Variants in STK32B observed in about 807,000 individuals in gnomAD.
The protein encoded by STK32B is serine/threonine-protein kinase 32B.
Under a neutral mutation model 52.6 loss-of-function variants are expected in STK32B, and 43 were observed. The observed-to-expected ratio is 0.82, with a 90% confidence interval of 0.64 to 1.05. STK32B has a LOEUF of 1.05. STK32B is among the 50% of genes least tolerant of loss of function. The probability of loss-of-function intolerance (pLI) is 0.00; values close to 1 mark genes in which losing one functional copy is unlikely to be tolerated. For missense variants in STK32B, 621 were observed against 534.6 expected (o/e 1.16, Z -1.59); for synonymous variants, 238 against 204.3 (o/e 1.17, Z -1.41).
chr4:5,459,292 CCCA>C (rs1716844685), intron 8 of STK32B, among the ~76,000 whole-genome samples: 1 of 148,376 alleles, frequency 6.7e-6, no homozygotes, highest in Admixed American at 6.7e-5. Context: ...GCCCCCCCCC[CCCA>C]CCTTTCTAAG....
chr4:5,295,567 G>A lies in STK32B; in HGVS notation c.261-35653G>A, dbSNP rs375172991. Among the ~76,000 whole-genome samples the A allele has an allele frequency of 3.9e-4, 59 of 152,184 alleles. 1 individual carries two copies. The South Asian group carries it at 0.011, about 28-fold the overall frequency. ...TTTTCTAGTTTATTTGCATAGAGGT[G>A]TTTATAGTATTCTCTGATGGTAGTT... On this transcript the variant is annotated intron_variant, in intron 3 of 11. Transcript: ENST00000282908.
chr4:5,254,602 T>C (rs73081683), intron 3 of STK32B, among the ~76,000 whole-genome samples: 3,512 of 152,292 alleles, frequency 0.023, 128 homozygotes, highest in African/African-American at 0.078. Flanking sequence ...TATTTTCCAA[T>C]TTCTATAGTA....
In STK32B at chr4:5,480,603, T is replaced by A. The variant is rs549654744; in HGVS notation, c.1106+12533T>A. ...CGTTTTTTTTTTCTTTCATTATACT[T>A]TAAGTTTTAGGGTACATGTGCACAA... On this transcript the variant is annotated intron_variant, in intron 11 of 11. Transcript: ENST00000282908. Among the ~76,000 whole-genome samples, 118 of 152,226 alleles carry A rather than the reference T, an allele frequency of 7.8e-4. 1 individual carries two copies. The highest frequency in any genetic ancestry group is 3.4e-3 in the Middle Eastern group (1 of 294).
rs557512890 is a variant in STK32B, at chr4:5,067,429, C to T, written c.52+15514C>T. Among the ~76,000 whole-genome samples, 49 of 152,142 alleles carry T rather than the reference C, an allele frequency of 3.2e-4. 1 individual carries two copies. The South Asian group carries it at 0.01, about 32-fold the overall frequency. ...GGCTCTTGAGGTGTCTCCTGTGGGCCCCACTGCTTTAGAAAGTGTCTATCA... is the reference window on the plus strand; with the variant it reads ...GGCTCTTGAGGTGTCTCCTGTGGGCTCCACTGCTTTAGAAAGTGTCTATCA... On this transcript the variant is annotated intron_variant, in intron 1 of 11. Coordinates refer to ENST00000282908, the MANE Select transcript of STK32B (RefSeq NM_018401.3).
chr4:5,183,305 C>T (rs1391667934), intron 3 of STK32B, among the ~76,000 whole-genome samples: 2 of 152,062 alleles, frequency 1.3e-5, no homozygotes, highest in Non-Finnish European at 2.9e-5. Context: ...TGGAGAAACC[C>T]CATCTCTACT....
chr4:5,296,619 A>T (rs1729219076), intron 3 of STK32B, among the ~76,000 whole-genome samples: 1 of 152,162 alleles, frequency 6.6e-6, no homozygotes, highest in African/African-American at 2.4e-5. Flanking sequence ...TGCTTGGTGA[A>T]TATCCCTCCA....
the STK32B span, among the ~76,000 whole-genome samples, chr4:5,021,433 C>G: frequency 6.6e-6 from 1 of 152,194 alleles, no homozygotes; most frequent in Non-Finnish European, 1.5e-5. Flanking sequence ...GAAGGAGTCT[C>G]CACACTCCCT....
At chr4:5,320,643 C>G (rs772861892) in intron 3 of STK32B, among the ~76,000 whole-genome samples, 1 of 152,060 alleles carries the variant, frequency 6.6e-6, no homozygotes, top group East Asian at 1.9e-4. Flanking sequence ...AAGTATGTAT[C>G]GCCACAGGGA....
chr4:5,129,797 A>C (rs893484471), intron 1 of STK32B, among the ~76,000 whole-genome samples: 1 of 152,218 alleles, frequency 6.6e-6, no homozygotes, highest in African/African-American at 2.4e-5. Context: ...CCTAGGCAGA[A>C]GTGACCCTCT....
Position 5,352,696 on chromosome 4 carries a change from A to C in STK32B, c.434+21303A>C, listed in dbSNP as rs146443579. Among the ~76,000 whole-genome samples the C allele has an allele frequency of 7.1e-3, 1,079 of 151,760 alleles. 9 individuals carry two copies. Among genetic ancestry groups the C allele is most frequent in the African/African-American group, 0.024 (989 of 41,326 alleles). ...GATGATATGATATGATATCTAGAAA[A>C]ACCGAAAGACTGCACCAAAATACTC... On this transcript the variant is annotated intron_variant, in intron 4 of 11. Coordinates refer to ENST00000282908, the MANE Select transcript of STK32B (RefSeq NM_018401.3).
intron 4 of STK32B, among the ~76,000 whole-genome samples, chr4:5,341,849 C>CT (rs1050340272): frequency 3.3e-5 from 5 of 152,110 alleles, no homozygotes; most frequent in South Asian, 4.2e-4. Context: ...GTGCTATACA[C>CT]TTTTTTTTAA....
rs770311072 is a variant in STK32B, at chr4:5,159,598, AATATATAT to A, written c.109-8698_109-8691del. Among the ~76,000 whole-genome samples the A allele has an allele frequency of 3.2e-4, 31 of 97,802 alleles. 2 individuals are homozygous for A. The highest frequency in any genetic ancestry group is 1.4e-3 in the South Asian group (5 of 3,560). The allele number at this position is 97,802 out of a possible 152,430, so 64.2% of individuals were successfully genotyped here. The stretch of plus-strand genomic sequence containing the variant: ...ATGAATATATATATGAATATATATG[AATATATAT>A]ATGAATATATATGAATATATATGAA... On this transcript the variant is annotated intron_variant, in intron 2 of 11. Transcript: ENST00000282908.
At chr4:5,424,913 G>A (rs1712955850) in intron 6 of STK32B, among the ~76,000 whole-genome samples, 1 of 152,212 alleles carries the variant, frequency 6.6e-6, no homozygotes, top group South Asian at 2.1e-4. Context: ...GCCCTCTTTG[G>A]GGCTCTGCAT....
intron 2 of STK32B, among the ~76,000 whole-genome samples, chr4:5,163,043 C>T (rs1718568014): frequency 6.6e-6 from 1 of 152,184 alleles, no homozygotes; most frequent in Non-Finnish European, 1.5e-5. Context: ...CCATGTGGGA[C>T]ATGATAGACC....
chr4:5,084,890 G>A lies in STK32B; in HGVS notation c.52+32975G>A, dbSNP rs138243472. Reference sequence around the variant, plus strand: ...GCTCCTTTGTAATGATAATCTGTAGGTTGAACAACAACTCCATGCCCCATT... The same window carrying A: ...GCTCCTTTGTAATGATAATCTGTAGATTGAACAACAACTCCATGCCCCATT... On this transcript the variant is annotated intron_variant, in intron 1 of 11. Transcript: ENST00000282908. Among the ~76,000 whole-genome samples, 535 of 152,272 alleles carry A rather than the reference G, an allele frequency of 3.5e-3. 4 individuals carry two copies. Among genetic ancestry groups the A allele is most frequent in the Admixed American group, 7.6e-3 (117 of 15,296 alleles).
At chr4:5,206,695 T>C (rs1722597057) in intron 3 of STK32B, among the ~76,000 whole-genome samples, 1 of 152,044 alleles carries the variant, frequency 6.6e-6, no homozygotes, top group African/African-American at 2.4e-5. Flanking sequence ...TGCAAAACAT[T>C]TCCATAAACC....
chr4:5,158,258 C>T (rs1363443439), intron 2 of STK32B, among the ~76,000 whole-genome samples: 3 of 152,154 alleles, frequency 2.0e-5, no homozygotes, highest in South Asian at 2.1e-4. Flanking sequence ...GAGTGTTTCC[C>T]AGCTCCCTTT....
At chr4:5,116,248 A>G in intron 1 of STK32B, among the ~76,000 whole-genome samples, 1 of 152,080 alleles carries the variant, frequency 6.6e-6, no homozygotes, top group East Asian at 1.9e-4. Flanking sequence ...GGCCAGCTTT[A>G]TGGGTGTGTG....
chr4:5,410,178 C>T (rs1329344138), intron 5 of STK32B, among the ~76,000 whole-genome samples: 1 of 152,148 alleles, frequency 6.6e-6, no homozygotes, highest in Non-Finnish European at 1.5e-5. Context: ...TAGCAGAGAG[C>T]CAGGGTTGCT....
Sources: gnomAD v4.1 joint callset for allele counts (sites outside exome capture counted in the v4.1 genomes callset) on GRCh38, gnomAD v4.1.1 for gene constraint, MANE v1.5 for transcripts, NCBI Gene and HGNC (gene_info 2026-07-23, HGNC 2026-07-21) for gene names.